CNTNAP2: variants seen among roughly 807,000 people sequenced by gnomAD.
CNTNAP2 encodes contactin associated protein 2.
In CNTNAP2, 98 loss-of-function variants were observed where a neutral mutation model predicts 155.2. The observed-to-expected ratio is 0.63, with a 90% confidence interval of 0.54 to 0.75. The LOEUF is 0.75. Among genes scored for constraint, CNTNAP2 ranks in the 30% least tolerant of loss-of-function variants. The pLI, the probability that CNTNAP2 is intolerant of heterozygous loss-of-function variation, is 0.00. For synonymous variants in CNTNAP2, 651 were observed against 631.2 expected (o/e 1.03, Z -0.47); for missense variants, 1,727 against 1,688.1 (o/e 1.02, Z -0.40).
At chr7:147,623,005 G>T (rs1794895209) in intron 12 of CNTNAP2, among the ~76,000 whole-genome samples, 1 of 152,016 alleles carries the variant, frequency 6.6e-6, no homozygotes, top group Admixed American at 6.6e-5. Flanking sequence ...CAATAAATTG[G>T]TAAATCTAGG....
intron 2 of CNTNAP2, among the ~76,000 whole-genome samples, chr7:146,792,045 G>A (rs1346615297): frequency 6.6e-6 from 1 of 152,110 alleles, no homozygotes; most frequent in Non-Finnish European, 1.5e-5. Context: ...TAACAGAAAG[G>A]CAGAAATCGG....
intron 1 of CNTNAP2, among the ~76,000 whole-genome samples, chr7:146,564,570 A>G (rs1798328777): frequency 6.7e-6 from 1 of 148,658 alleles, no homozygotes; most frequent in Admixed American, 6.8e-5. Context: ...TATATAATGC[A>G]ACATGTAATA....
chr7:148,389,233 C>T (rs185846216), intron 22 of CNTNAP2, among the ~76,000 whole-genome samples: 63 of 152,250 alleles, frequency 4.1e-4, no homozygotes, highest in African/African-American at 1.4e-3. Context: ...TCTTGAATTC[C>T]CATGTGTTGT....
At chr7:147,495,654 G>C (rs745506802) in intron 11 of CNTNAP2, among the ~76,000 whole-genome samples, 16 of 152,236 alleles carry the variant, frequency 1.1e-4, no homozygotes, top group Non-Finnish European at 1.9e-4. Flanking sequence ...GCAGGGTGCA[G>C]ATTTGAATCA....
intron 8 of CNTNAP2, among the ~76,000 whole-genome samples, chr7:147,289,041 G>A (rs1805245404): frequency 6.6e-6 from 1 of 152,036 alleles, no homozygotes; most frequent in African/African-American, 2.4e-5. Flanking sequence ...CCTCTATAAG[G>A]AAACCAAGTT....
intron 10 of CNTNAP2, among the ~76,000 whole-genome samples, chr7:147,450,183 G>C (rs1183679990): frequency 6.6e-6 from 1 of 152,116 alleles, no homozygotes; most frequent in Non-Finnish European, 1.5e-5. Context: ...TTTCCCACTG[G>C]TGGAAGAAGA....
At chr7:147,738,976 C>G (rs1481430066) in intron 13 of CNTNAP2, among the ~76,000 whole-genome samples, 2 of 152,038 alleles carry the variant, frequency 1.3e-5, no homozygotes, top group African/African-American at 2.4e-5. Context: ...TTTATATATA[C>G]TAGGAAACCA....
At chr7:148,020,706 C>A (rs189708082) in intron 15 of CNTNAP2, among the ~76,000 whole-genome samples, 151 of 152,310 alleles carry the variant, frequency 9.9e-4, no homozygotes, top group Admixed American at 2.0e-3. Context: ...ACCATAGAAT[C>A]TGGCTTAAGC....
intron 1 of CNTNAP2, among the ~76,000 whole-genome samples, chr7:146,245,568 C>G (rs1432058264): frequency 1.3e-5 from 2 of 151,994 alleles, no homozygotes; most frequent in African/African-American, 4.8e-5. Flanking sequence ...GAATTCTGAC[C>G]ACACTAACCA....
chr7:147,548,146 G>C (rs1235587127), intron 11 of CNTNAP2, among the ~76,000 whole-genome samples: 1 of 152,170 alleles, frequency 6.6e-6, no homozygotes. Flanking sequence ...GAGTCAAATG[G>C]TGTTTCTGGT....
chr7:146,542,578 T>C (rs1797968198), intron 1 of CNTNAP2, among the ~76,000 whole-genome samples: 1 of 151,684 alleles, frequency 6.6e-6, no homozygotes, highest in African/African-American at 2.4e-5. Context: ...TATCCTTCCC[T>C]GACTCTCTCC....
chr7:146,985,788 A>C (rs1798105050), intron 3 of CNTNAP2, among the ~76,000 whole-genome samples: 1 of 152,150 alleles, frequency 6.6e-6, no homozygotes, highest in South Asian at 2.1e-4. Context: ...TTAAATATTT[A>C]ATATTTCTTC....
chr7:146,668,980 G>T (rs1195052015), intron 1 of CNTNAP2, among the ~76,000 whole-genome samples: 1 of 151,868 alleles, frequency 6.6e-6, no homozygotes, highest in South Asian at 2.1e-4. Context: ...GGTCTATGTT[G>T]TTAAATATTT....
chr7:146,295,874 C>CAA (rs112015205), intron 1 of CNTNAP2, among the ~76,000 whole-genome samples: 214 of 107,272 alleles, frequency 2.0e-3, no homozygotes, highest in African/African-American at 5.8e-3. Context: ...GACTCCATCT[C>CAA]AAAAAAAAAA....
At chr7:148,075,582 T>A (rs1242943208) in intron 15 of CNTNAP2, among the ~76,000 whole-genome samples, 2 of 152,148 alleles carry the variant, frequency 1.3e-5, no homozygotes, top group Admixed American at 6.5e-5. Context: ...TTTGAACAGC[T>A]CACTTTCAGA....
At chr7:147,983,017 CAAAAAA>C (rs35946958) in intron 15 of CNTNAP2, among the ~76,000 whole-genome samples, 3 of 80,878 alleles carry the variant, frequency 3.7e-5, no homozygotes. Context: ...GACTCCACCT[CAAAAAA>C]AAAAAAAAAA....
At chr7:148,006,316 CT>C (rs68011639) in intron 15 of CNTNAP2, among the ~76,000 whole-genome samples, 10,250 of 118,812 alleles carry the variant, frequency 0.086, 467 homozygotes, top group African/African-American at 0.27. Context: ...ATAGGAAGTT[CT>C]TTTTTTTTTT....
intron 3 of CNTNAP2, among the ~76,000 whole-genome samples, chr7:146,919,260 G>GT (rs1258963610): frequency 6.6e-6 from 1 of 152,130 alleles, no homozygotes; most frequent in East Asian, 1.9e-4. Context: ...AAAGAAACTT[G>GT]TTTTTGCCAT....
At chr7:147,256,382 T>C (rs1804327901) in intron 8 of CNTNAP2, among the ~76,000 whole-genome samples, 1 of 152,126 alleles carries the variant, frequency 6.6e-6, no homozygotes, top group South Asian at 2.1e-4. Flanking sequence ...CTGTATTCAT[T>C]TAGGGACATT....
Sources: allele counts gnomAD v4.1 joint callset (sites outside exome capture counted in the v4.1 genomes callset), GRCh38; gene constraint gnomAD v4.1.1; transcripts MANE v1.5; gene names NCBI Gene and HGNC (gene_info 2026-07-23, HGNC 2026-07-21).